TTLL5: variants seen among roughly 807,000 people sequenced by gnomAD.
TTLL5 encodes tubulin tyrosine ligase like 5, also known as tubulin polyglutamylase TTLL5.
In TTLL5, 132 loss-of-function variants were observed where a neutral mutation model predicts 168.4. The ratio of observed to expected loss-of-function variants is 0.78; its 90% CI spans 0.68 to 0.91. The LOEUF is 0.91. Ranked by LOEUF, TTLL5 falls within the 40% of genes least tolerant of loss-of-function variation. TTLL5 has a pLI of 0.00. For missense variants in TTLL5, 1,545 were observed against 1,581.5 expected (o/e 0.98, Z 0.39); for synonymous variants, 546 against 558.6 (o/e 0.98, Z 0.32).
intron 31 of TTLL5, among the ~76,000 whole-genome samples, chr14:75,949,402 T>C (rs1269040763): frequency 7.5e-6 from 1 of 133,718 alleles, no homozygotes; most frequent in Non-Finnish European, 1.6e-5. Flanking sequence ...ATATAGAATA[T>C]ATATATGGTT....
chr14:75,685,442 A>G (rs1884975682), intron 5 of TTLL5, among the ~76,000 whole-genome samples: 1 of 151,936 alleles, frequency 6.6e-6, no homozygotes, highest in Non-Finnish European at 1.5e-5. Context: ...CATTCATCAT[A>G]TTCTTTGGAA....
chr14:75,902,181 C>T lies in TTLL5; in HGVS notation c.3780C>T (p.Ser1260=), dbSNP rs745436826. ...SAEGQLNGLQ[S]SLNPAAFVPI... Reference sequence around the variant, plus strand: ...AAGGGCAGCTGAATGGACTCCAGAGCAGCCTTAACCCTGCAGCCTTTGTGC... The same window carrying T: ...AAGGGCAGCTGAATGGACTCCAGAGTAGCCTTAACCCTGCAGCCTTTGTGC... Residue 1260 remains serine, a synonymous_variant, in exon 31 of 32, where the codon AGC becomes AGT. Transcript: ENST00000298832. 5 of 1,614,172 alleles carry T rather than the reference C, an allele frequency of 3.1e-6. No homozygotes were observed. Among genetic ancestry groups the T allele is most frequent in the Non-Finnish European group, 8.5e-7 (1 of 1,180,028 alleles).
intron 27 of TTLL5, among the ~76,000 whole-genome samples, chr14:75,804,219 G>T (rs1893517707): frequency 1.3e-5 from 2 of 152,078 alleles, no homozygotes; most frequent in African/African-American, 4.8e-5. Context: ...CATTTTTCTT[G>T]CTCCTTACCC....
Position 75,709,255 on chromosome 14 carries a change from T to A in TTLL5, c.740+1548T>A, listed in dbSNP as rs747384892. 27 of 755,486 alleles carry A rather than the reference T, an allele frequency of 3.6e-5. No homozygotes were observed. The South Asian group carries it at 3.7e-4, about 10-fold the overall frequency. The allele number at this position is 755,486 out of a possible 1,614,324, so 46.8% of individuals were successfully genotyped here. On this transcript the variant is annotated intron_variant, in intron 9 of 31. Coordinates refer to ENST00000298832, the MANE Select transcript of TTLL5 (RefSeq NM_015072.5). ...TTATGTACAGGTGCTTTGACAGATATTATTGTACTCTGACAACTATTATTT... is the reference window on the plus strand; with the variant it reads ...TTATGTACAGGTGCTTTGACAGATAATATTGTACTCTGACAACTATTATTT...
At chr14:75,915,251 A>C (rs564641205) in intron 31 of TTLL5, among the ~76,000 whole-genome samples, 17 of 152,280 alleles carry the variant, frequency 1.1e-4, no homozygotes, top group Admixed American at 2.6e-4. Context: ...CTGAAACTGA[A>C]CACCACACTC....
intron 31 of TTLL5, among the ~76,000 whole-genome samples, chr14:75,928,681 G>T (rs544763497): frequency 1.3e-5 from 2 of 151,948 alleles, no homozygotes; most frequent in South Asian, 2.1e-4. Flanking sequence ...GGGAATATTC[G>T]AGCATTAACC....
At chr14:75,842,711 G>A (rs75482369) in intron 28 of TTLL5, among the ~76,000 whole-genome samples, 2,755 of 152,258 alleles carry the variant, frequency 0.018, 85 homozygotes, top group African/African-American at 0.06. Context: ...GAAAATGGGT[G>A]GGGGTTGGGG....
chr14:75,941,670 A>G (rs1004216447), intron 31 of TTLL5, among the ~76,000 whole-genome samples: 8 of 151,542 alleles, frequency 5.3e-5, no homozygotes, highest in African/African-American at 1.7e-4. Flanking sequence ...TTTTTACTGT[A>G]TTCTTTTTTT....
intron 31 of TTLL5, among the ~76,000 whole-genome samples, chr14:75,937,121 C>CG (rs2034455710): frequency 1.3e-5 from 1 of 75,896 alleles, no homozygotes; most frequent in African/African-American, 5.7e-5. Context: ...AGTACATTTA[C>CG]ATTTTTTTTT....
intron 9 of TTLL5, among the ~76,000 whole-genome samples, chr14:75,715,509 A>G (rs1355265527): frequency 1.3e-5 from 2 of 152,156 alleles, no homozygotes; most frequent in African/African-American, 4.8e-5. Flanking sequence ...TGGCTTATTT[A>G]CTATGGATTT....
intron 28 of TTLL5, among the ~76,000 whole-genome samples, chr14:75,830,537 T>C (rs1160297114): frequency 6.6e-6 from 1 of 152,358 alleles, no homozygotes; most frequent in East Asian, 1.9e-4. Context: ...AACATCATGG[T>C]GTATACCATA....
chr14:75,699,266 A>G lies in TTLL5; in HGVS notation c.581A>G (p.Asn194Ser), dbSNP rs1886086138. The G allele has an allele frequency of 1.9e-6, 3 of 1,613,876 alleles. No individual in the cohort carries two copies. The highest frequency in any genetic ancestry group is 2.5e-6 in the Non-Finnish European group (3 of 1,179,822). Residue 194 changes from asparagine (N) to serine (S), a missense_variant, in exon 7 of 32, where the codon AAC becomes AGC. By Grantham distance (46) the Asn-to-Ser change is conservative (BLOSUM62 1). Transcript: ENST00000298832. ...SSRGRGVYLI[N>S]NPNQISLEEN... ...AGGGGGCGGGGCGTCTACCTGATCA[A>G]CAATGTAAGTATGCAGCAGATGGCA...
At position 75,863,872 on chromosome 14, in the gene TTLL5, G is replaced by GATAAGTC; in HGVS notation, c.3522+11_3522+17dup. 13 of 1,056,224 alleles carry GATAAGTC rather than the reference G, an allele frequency of 1.2e-5. No homozygotes were observed. The highest frequency in any genetic ancestry group is 1.7e-5 in the Non-Finnish European group (13 of 753,042). The allele number at this position is 1,056,224 out of a possible 1,614,324, so 65.4% of individuals were successfully genotyped here. A position where few individuals can be genotyped will look rare whatever the true frequency, so the allele number is the denominator to read the frequency against. On this transcript the variant is annotated intron_variant, in intron 29 of 31. Coordinates refer to ENST00000298832, the MANE Select transcript of TTLL5 (RefSeq NM_015072.5). ...TCGAGCCCGGCACCAGGTAATTCAA[G>GATAAGTC]ATAAGTCTTTTCCATGTGTTATATC... is the stretch of plus-strand genomic sequence containing the variant.
intron 27 of TTLL5, 28 bp downstream of exon 27, chr14:75,793,128 C>G (rs752613317): frequency 6.5e-7 from 1 of 1,527,008 alleles, no homozygotes; most frequent in Admixed American, 1.9e-5. Context: ...TGTCCAAGAG[C>G]TCTTTGGACC....
chr14:75,677,824 G>A (rs1884298120), intron 3 of TTLL5, among the ~76,000 whole-genome samples: 1 of 151,484 alleles, frequency 6.6e-6, no homozygotes. Context: ...TAGTGACGAG[G>A]TCTCGCTATG....
intron 31 of TTLL5, among the ~76,000 whole-genome samples, chr14:75,912,885 C>T (rs1277171100): frequency 6.6e-6 from 1 of 152,164 alleles, no homozygotes; most frequent in African/African-American, 2.4e-5. Context: ...TTATAGTACA[C>T]GTCAATGAAG....
intron 3 of TTLL5, among the ~76,000 whole-genome samples, chr14:75,678,162 T>A (rs1884327681): frequency 6.6e-6 from 1 of 152,204 alleles, no homozygotes; most frequent in African/African-American, 2.4e-5. Flanking sequence ...AAGGACCAGA[T>A]ATTTTTTCAT....
At chr14:75,816,586 A>G (rs191769579) in intron 27 of TTLL5, among the ~76,000 whole-genome samples, 6 of 152,342 alleles carry the variant, frequency 3.9e-5, no homozygotes, top group Non-Finnish European at 7.3e-5. Context: ...AGACGATATC[A>G]TTTATACTAA....
intron 27 of TTLL5, 54 bp from the exon 28 acceptor site, chr14:75,819,953 G>A (rs1370762240): frequency 6.5e-7 from 1 of 1,539,372 alleles, no homozygotes; most frequent in African/African-American, 1.4e-5. Flanking sequence ...TGTTGTTAAT[G>A]ATGCTTTTTA....
Sources: gnomAD v4.1 joint callset for allele counts (sites outside exome capture counted in the v4.1 genomes callset) on GRCh38, gnomAD v4.1.1 for gene constraint, MANE v1.5 for transcripts, NCBI Gene and HGNC (gene_info 2026-07-23, HGNC 2026-07-21) for gene names.